Variants in RASEF observed in about 807,000 individuals in gnomAD.
The protein encoded by RASEF is ras and EF-hand domain-containing protein.
RASEF carries 68 observed loss-of-function variants against 90.1 expected under a neutral mutation model. That is an observed-to-expected ratio of 0.75 (90% CI 0.62 to 0.92). The LOEUF (loss-of-function observed/expected upper bound fraction) is 0.92. Among genes scored for constraint, RASEF ranks in the 40% least tolerant of loss-of-function variants. RASEF has a pLI of 0.00. For synonymous variants in RASEF, 331 were observed against 345.2 expected (o/e 0.96, Z 0.46); for missense variants, 949 against 937.2 (o/e 1.01, Z -0.16).
upstream of RASEF, among the ~76,000 whole-genome samples, chr9:83,063,751 TAAAC>T (rs151100044): frequency 0.011 from 1,648 of 152,318 alleles, 26 homozygotes; most frequent in East Asian, 0.073. Flanking sequence ...TTTTTTTACT[TAAAC>T]AAACTTTATG....
the RASEF span, among the ~76,000 whole-genome samples, chr9:83,200,118 C>T: frequency 1.3e-5 from 2 of 152,168 alleles, no homozygotes; most frequent in African/African-American, 2.4e-5. Context: ...CGGTGGCTCA[C>T]GTCTGTAATC....
the RASEF span, among the ~76,000 whole-genome samples, chr9:83,096,051 T>C: frequency 3.9e-5 from 6 of 152,126 alleles, no homozygotes; most frequent in Non-Finnish European, 8.8e-5. Flanking sequence ...ATAGAGGCTT[T>C]TCACAAGTGG....
the RASEF span, among the ~76,000 whole-genome samples, chr9:83,175,802 G>A: frequency 6.6e-5 from 10 of 151,972 alleles, no homozygotes; most frequent in Admixed American, 2.0e-4. Context: ...GGATGGTCTT[G>A]ATCTCCTGAC....
At chr9:83,168,851 T>C in the RASEF span, among the ~76,000 whole-genome samples, 2 of 151,988 alleles carry the variant, frequency 1.3e-5, no homozygotes, top group Admixed American at 1.3e-4. Context: ...ATTTCAAGCC[T>C]TATCTTCTAG....
intron 14 of RASEF, among the ~76,000 whole-genome samples, chr9:82,993,658 A>G (rs1447198086): frequency 6.6e-6 from 1 of 152,268 alleles, no homozygotes; most frequent in Non-Finnish European, 1.5e-5. Context: ...CATTTTTCTA[A>G]GAAAGAGTCA....
intron 1 of RASEF, among the ~76,000 whole-genome samples, chr9:83,027,812 A>G (rs1043558093): frequency 6.6e-6 from 1 of 152,078 alleles, no homozygotes; most frequent in African/African-American, 2.4e-5. Flanking sequence ...TCTGCTATGG[A>G]TGGATGCTAT....
At chr9:82,989,661 C>T (rs1025994877) in intron 16 of RASEF, among the ~76,000 whole-genome samples, 7 of 152,170 alleles carry the variant, frequency 4.6e-5, no homozygotes, top group African/African-American at 1.7e-4. Context: ...AATGACATGC[C>T]TAAAGTTATA....
At chr9:83,128,011 T>C in the RASEF span, among the ~76,000 whole-genome samples, 180 of 145,802 alleles carry the variant, frequency 1.2e-3, 1 homozygote, top group African/African-American at 4.5e-3. Flanking sequence ...CTTTTTCTTT[T>C]TTATTTTTCT....
chr9:83,144,395 A>AGAAAG, the RASEF span, among the ~76,000 whole-genome samples: 34 of 120,148 alleles, frequency 2.8e-4, no homozygotes, highest in South Asian at 1.1e-3. Flanking sequence ...AAGAAAGGAA[A>AGAAAG]GAAAGAAAGA....
chr9:83,016,108 C>T (rs1804783313), intron 3 of RASEF, among the ~76,000 whole-genome samples: 1 of 152,156 alleles, frequency 6.6e-6, no homozygotes, highest in South Asian at 2.1e-4. Flanking sequence ...GAAAGAAGAG[C>T]AGGATCCCAC....
chr9:83,052,307 T>C (rs141613557), intron 1 of RASEF, among the ~76,000 whole-genome samples: 12 of 138,402 alleles, frequency 8.7e-5, no homozygotes, highest in Non-Finnish European at 1.7e-4. Context: ...ATCCATTTCT[T>C]CTAGATTTTC....
chr9:83,178,155 T>G, the RASEF span, among the ~76,000 whole-genome samples: 1 of 152,196 alleles, frequency 6.6e-6, no homozygotes, highest in Non-Finnish European at 1.5e-5. Context: ...CATGCTGTCA[T>G]TTTAGAAGTG....
chr9:83,105,772 G>A, the RASEF span, among the ~76,000 whole-genome samples: 20 of 152,198 alleles, frequency 1.3e-4, no homozygotes, highest in African/African-American at 4.6e-4. Flanking sequence ...TGGGCATAAT[G>A]CTAAGACATA....
At chr9:83,154,400 G>T in the RASEF span, among the ~76,000 whole-genome samples, 1 of 152,094 alleles carries the variant, frequency 6.6e-6, no homozygotes, top group African/African-American at 2.4e-5. Flanking sequence ...TCCCAGCACT[G>T]AAAGTACCAT....
chr9:83,196,508 G>A, the RASEF span, among the ~76,000 whole-genome samples: 1 of 152,200 alleles, frequency 6.6e-6, no homozygotes, highest in African/African-American at 2.4e-5. Context: ...AAAAGGTCTC[G>A]TATGTGGGTC....
At chr9:83,061,668 C>T (rs1325035139) in intron 1 of RASEF, among the ~76,000 whole-genome samples, 1 of 152,188 alleles carries the variant, frequency 6.6e-6, no homozygotes, top group Non-Finnish European at 1.5e-5. Context: ...CCCTTACCTC[C>T]TGATAATTAA....
At chr9:83,122,582 G>A in the RASEF span, among the ~76,000 whole-genome samples, 6 of 152,132 alleles carry the variant, frequency 3.9e-5, no homozygotes, top group African/African-American at 1.4e-4. Flanking sequence ...TACCTCAAGA[G>A]CCATTATGGT....
chr9:83,216,161 G>C, the RASEF span, among the ~76,000 whole-genome samples: 1 of 152,158 alleles, frequency 6.6e-6, no homozygotes, highest in African/African-American at 2.4e-5. Context: ...TGATGGAAAA[G>C]AAAACCCCAT....
chr9:83,087,405 T>TTC, the RASEF span, among the ~76,000 whole-genome samples: 10,811 of 115,514 alleles, frequency 0.094, 715 homozygotes, highest in Admixed American at 0.21. Context: ...TTCTCATTCA[T>TTC]TCTCTCTCTC....
Sources: allele counts gnomAD v4.1 joint callset (sites outside exome capture counted in the v4.1 genomes callset), GRCh38; gene constraint gnomAD v4.1.1; transcripts MANE v1.5; gene names NCBI Gene and HGNC (gene_info 2026-07-23, HGNC 2026-07-21).